The following ZBBX variants were observed in gnomAD, a reference collection of about 807,000 sequenced individuals.
The protein encoded by ZBBX is zinc finger B-box domain containing, also known as zinc finger B-box domain-containing protein 1.
In ZBBX, 101 loss-of-function variants were observed where a neutral mutation model predicts 108.5. That is an observed-to-expected ratio of 0.93 (90% CI 0.79 to 1.10). The LOEUF is 1.10. ZBBX is among the 50% of genes least tolerant of loss of function. The pLI is 0.00. For synonymous variants in ZBBX, 356 were observed against 323.4 expected (o/e 1.10, Z -1.08); for missense variants, 1,009 against 941.4 (o/e 1.07, Z -0.94).
At chr3:167,353,542 T>C (rs1037180306) in intron 8 of ZBBX, among the ~76,000 whole-genome samples, 1 of 152,010 alleles carries the variant, frequency 6.6e-6, no homozygotes, top group Non-Finnish European at 1.5e-5. Context: ...AAAAATTACA[T>C]AGTGGCTATG....
chr3:167,209,241 T>G, the ZBBX span, among the ~76,000 whole-genome samples: 7,827 of 152,138 alleles, frequency 0.051, 557 homozygotes, highest in African/African-American at 0.16. Flanking sequence ...TTGAGTAAAC[T>G]GAGGTGTTAG....
At chr3:167,301,587 A>G (rs1353776159) in intron 17 of ZBBX, among the ~76,000 whole-genome samples, 1 of 152,222 alleles carries the variant, frequency 6.6e-6, no homozygotes, top group African/African-American at 2.4e-5. Flanking sequence ...TTCATCCTAT[A>G]CATTATTTAC....
chr3:167,248,448 C>CT (rs1232150560), intron 20 of ZBBX, among the ~76,000 whole-genome samples: 80 of 147,014 alleles, frequency 5.4e-4, no homozygotes, highest in Middle Eastern at 3.5e-3. Context: ...TTTCTTTTTT[C>CT]TTTTTTTTTT....
At chr3:167,404,044 G>C (rs938979666) in intron 1 of ZBBX, among the ~76,000 whole-genome samples, 1 of 152,044 alleles carries the variant, frequency 6.6e-6, no homozygotes, top group Admixed American at 6.6e-5. Context: ...CATACTAACA[G>C]TATACTGTAC....
chr3:167,341,725 A>G (rs574272248), intron 9 of ZBBX, among the ~76,000 whole-genome samples: 2 of 152,118 alleles, frequency 1.3e-5, no homozygotes, highest in African/African-American at 4.8e-5. Flanking sequence ...AACTAATATT[A>G]CAAGTATGTT....
intron 17 of ZBBX, among the ~76,000 whole-genome samples, chr3:167,298,818 T>A (rs1732110877): frequency 6.6e-6 from 1 of 152,034 alleles, no homozygotes; most frequent in Non-Finnish European, 1.5e-5. Context: ...AGTGTCTTTG[T>A]CTATATATAA....
intron 19 of ZBBX, among the ~76,000 whole-genome samples, chr3:167,283,533 A>G (rs1252400323): frequency 6.6e-6 from 1 of 152,222 alleles, no homozygotes; most frequent in Non-Finnish European, 1.5e-5. Flanking sequence ...AACCTATGCC[A>G]TATAACATTG....
the ZBBX span, among the ~76,000 whole-genome samples, chr3:167,186,805 G>C: frequency 3.9e-5 from 6 of 152,112 alleles, no homozygotes; most frequent in African/African-American, 1.4e-4. Flanking sequence ...ACAGATAGAG[G>C]AATGAAGTCA....
At position 167,282,348 on chromosome 3, in the gene ZBBX, A is replaced by G; in HGVS notation, c.2144T>C (p.Ile715Thr). 2 of 1,614,108 alleles carry G rather than the reference A, an allele frequency of 1.2e-6. No individual in the cohort carries two copies. The highest frequency in any genetic ancestry group is 1.7e-6 in the Non-Finnish European group (2 of 1,179,982). ...SSRAASEISE[I>T]EYIDITDQNE... The stretch of plus-strand genomic sequence containing the variant: ...CTGGTCAGTAATATCAATATATTCA[A>G]TTTCTGAAATTTCAGAAGCAGCTCT... Residue 715 changes from isoleucine to threonine, a missense_variant, in exon 20 of 22, where the codon ATT becomes ACT. Physicochemically the swap from Ile to Thr is moderately conservative, Grantham distance 89. Transcript: ENST00000675490.
At chr3:167,384,738 T>C (rs2108634131), upstream of ZBBX, among the ~76,000 whole-genome samples, 1 of 152,182 alleles carries the variant, frequency 6.6e-6, no homozygotes, top group East Asian at 1.9e-4. Context: ...ACCTTCTTTA[T>C]CCAGCAGTGT....
At chr3:167,280,754 G>A (rs1158841076) in intron 20 of ZBBX, among the ~76,000 whole-genome samples, 1 of 151,712 alleles carries the variant, frequency 6.6e-6, no homozygotes, top group Non-Finnish European at 1.5e-5. Context: ...CCATTACTGG[G>A]TATATACCCA....
intron 12 of ZBBX, among the ~76,000 whole-genome samples, chr3:167,321,269 A>G (rs1736398799): frequency 6.6e-6 from 1 of 152,046 alleles, no homozygotes; most frequent in African/African-American, 2.4e-5. Context: ...CAGAGGCTTC[A>G]CGGGAAACAT....
At chr3:167,287,936 T>C (rs1729992360) in intron 19 of ZBBX, among the ~76,000 whole-genome samples, 1 of 152,138 alleles carries the variant, frequency 6.6e-6, no homozygotes, top group Admixed American at 6.5e-5. Context: ...GAGAGACATA[T>C]ATATCTTATA....
chr3:167,317,688 A>T, intron 12 of ZBBX, 91 bp from the exon 13 acceptor site: 1 of 744,024 alleles, frequency 1.3e-6, no homozygotes, highest in Non-Finnish European at 2.2e-6. Context: ...CAAATGAATG[A>T]GTATACAAAA....
At chr3:167,341,441 A>C (rs1194699546) in intron 9 of ZBBX, among the ~76,000 whole-genome samples, 1 of 151,904 alleles carries the variant, frequency 6.6e-6, no homozygotes, top group Non-Finnish European at 1.5e-5. Context: ...ATATAAATGG[A>C]ATAGCTGAAA....
At chr3:167,402,354 C>A (rs934450554) in intron 1 of ZBBX, among the ~76,000 whole-genome samples, 2 of 152,082 alleles carry the variant, frequency 1.3e-5, no homozygotes, top group Non-Finnish European at 2.9e-5. Flanking sequence ...TGAATGTTGG[C>A]GATTGGGTTA....
chr3:167,238,703 T>A (rs1720331449), downstream of ZBBX, among the ~76,000 whole-genome samples: 1 of 151,962 alleles, frequency 6.6e-6, no homozygotes. Flanking sequence ...GTCAACAAAC[T>A]CCATAAGGGA....
chr3:167,309,340 A>G (rs577137175), intron 16 of ZBBX, among the ~76,000 whole-genome samples: 14 of 152,288 alleles, frequency 9.2e-5, no homozygotes, highest in African/African-American at 3.4e-4. Flanking sequence ...CAGCTGCACT[A>G]GGCAGTGCCC....
At chr3:167,247,229 T>C (rs1271049284) in intron 20 of ZBBX, among the ~76,000 whole-genome samples, 1 of 151,844 alleles carries the variant, frequency 6.6e-6, no homozygotes, top group Admixed American at 6.6e-5. Flanking sequence ...AAGACACAAG[T>C]GGTTGGACGG....
Sources: allele counts gnomAD v4.1 joint callset (sites outside exome capture counted in the v4.1 genomes callset), GRCh38; gene constraint gnomAD v4.1.1; transcripts MANE v1.5; gene names NCBI Gene and HGNC (gene_info 2026-07-23, HGNC 2026-07-21).